Variants in KALRN observed in about 807,000 individuals in gnomAD.
KALRN encodes kalirin RhoGEF kinase, also known as kalirin.
Under a neutral mutation model 353.7 loss-of-function variants are expected in KALRN, and 70 were observed. The ratio of observed to expected loss-of-function variants is 0.20; its 90% CI spans 0.16 to 0.24. KALRN has a LOEUF of 0.24. Among genes scored for constraint, KALRN ranks in the 10% least tolerant of loss-of-function variants. The probability of loss-of-function intolerance (pLI) is 1.00; values close to 1 mark genes in which losing one functional copy is unlikely to be tolerated. For missense variants in KALRN, 2,791 were observed against 3,756.7 expected (o/e 0.74, Z 6.72); for synonymous variants, 1,391 against 1,434.8 (o/e 0.97, Z 0.69).
chr3:124,317,024 C>T (rs1266729520), intron 6 of KALRN, among the ~76,000 whole-genome samples: 2 of 152,164 alleles, frequency 1.3e-5, no homozygotes, highest in African/African-American at 2.4e-5. Context: ...TGCTCCAAGG[C>T]AGGAGGGGGC....
intron 33 of KALRN, among the ~76,000 whole-genome samples, chr3:124,556,327 A>G (rs984939068): frequency 2.6e-5 from 4 of 152,250 alleles, no homozygotes; most frequent in Admixed American, 6.5e-5. Flanking sequence ...ATGGGCTTCC[A>G]ACATACAAAC....
chr3:124,061,062 T>C (rs2041959401), intron 1 of KALRN, among the ~76,000 whole-genome samples: 1 of 152,244 alleles, frequency 6.6e-6, no homozygotes, highest in Non-Finnish European at 1.5e-5. Flanking sequence ...ACAGTGACGA[T>C]AGGGCCTTAA....
At chr3:124,626,777 A>G (rs1236116199) in intron 34 of KALRN, among the ~76,000 whole-genome samples, 1 of 152,196 alleles carries the variant, frequency 6.6e-6, no homozygotes, top group Non-Finnish European at 1.5e-5. Context: ...GCTCCCTTCT[A>G]TAATAATGGT....
chr3:124,312,705 GCTGT>G (rs2078395560), intron 6 of KALRN, among the ~76,000 whole-genome samples: 1 of 152,190 alleles, frequency 6.6e-6, no homozygotes, highest in African/African-American at 2.4e-5. Flanking sequence ...ACAAACTTTT[GCTGT>G]CTGTGTCTTT....
At chr3:124,356,397 G>A (rs1201422105) in intron 10 of KALRN, among the ~76,000 whole-genome samples, 7 of 142,752 alleles carry the variant, frequency 4.9e-5, no homozygotes, top group Non-Finnish European at 9.0e-5. Flanking sequence ...GCAATGGCGC[G>A]ATTTCGGCTC....
intron 25 of KALRN, among the ~76,000 whole-genome samples, chr3:124,468,944 A>C (rs1362341034): frequency 6.6e-6 from 1 of 152,244 alleles, no homozygotes; most frequent in Non-Finnish European, 1.5e-5. Context: ...GGGAATACCC[A>C]AAACAAGACA....
rs893676477 is a variant in KALRN at position 124,682,881 on chromosome 3, C to T, written c.7377+3364C>T. Among the ~76,000 whole-genome samples the T allele has an allele frequency of 1.2e-4, 18 of 152,216 alleles. No individual in the cohort carries two copies. The East Asian group carries it at 2.3e-3, about 20-fold the overall frequency. On this transcript the variant is annotated intron_variant, in intron 51 of 59. Coordinates refer to ENST00000682506, the MANE Select transcript of KALRN (RefSeq NM_001388419.1). The stretch of plus-strand genomic sequence containing the variant: ...CTTGTGAATGTTTTCAAGTACAACT[C>T]CTACTCCCAGCAGTACATGCCACAC...
intron 1 of KALRN, among the ~76,000 whole-genome samples, chr3:124,144,740 T>C (rs2067111021): frequency 6.6e-6 from 1 of 152,054 alleles, no homozygotes; most frequent in Non-Finnish European, 1.5e-5. Context: ...CTCTGCAGCA[T>C]TACCACAGCA....
chr3:124,682,128 A>G (rs958090921), intron 51 of KALRN, among the ~76,000 whole-genome samples: 5 of 152,202 alleles, frequency 3.3e-5, no homozygotes, highest in Non-Finnish European at 2.9e-5. Context: ...CCTTATTGCA[A>G]TGTACACTGC....
intron 53 of KALRN, 59 bp from the exon 54 acceptor site, chr3:124,696,075 A>G (rs1578998299): frequency 4.4e-6 from 7 of 1,593,262 alleles, no homozygotes; most frequent in East Asian, 2.3e-5. Context: ...ATGGGATTTT[A>G]CCCAGCAGTC....
At chr3:124,670,535 A>G (rs1205928552) in intron 47 of KALRN, among the ~76,000 whole-genome samples, 1 of 152,184 alleles carries the variant, frequency 6.6e-6, no homozygotes, top group African/African-American at 2.4e-5. Flanking sequence ...CTCAGAGCCA[A>G]TCTTTCCTTC....
chr3:124,390,993 G>A (rs1411296477), intron 11 of KALRN, among the ~76,000 whole-genome samples: 1 of 152,084 alleles, frequency 6.6e-6, no homozygotes, highest in Admixed American at 6.6e-5. Context: ...GTAGGGCATG[G>A]AAAGGCTCCT....
chr3:124,141,375 C>G (rs2066608787), intron 1 of KALRN, among the ~76,000 whole-genome samples: 1 of 152,178 alleles, frequency 6.6e-6, no homozygotes, highest in East Asian at 1.9e-4. Flanking sequence ...CCCACCAGCT[C>G]TGTCTTCTAA....
At chr3:124,143,828 G>A (rs1464572934) in intron 1 of KALRN, among the ~76,000 whole-genome samples, 2 of 152,114 alleles carry the variant, frequency 1.3e-5, no homozygotes, top group African/African-American at 2.4e-5. Flanking sequence ...AATAAGACTG[G>A]CGTCAAATTC....
chr3:124,522,507 C>T (rs961769501), intron 33 of KALRN, among the ~76,000 whole-genome samples: 3 of 152,244 alleles, frequency 2.0e-5, no homozygotes, highest in Non-Finnish European at 2.9e-5. Context: ...AAAAGCTTCT[C>T]ATGGCATGTA....
At position 124,671,742 on chromosome 3, in the gene KALRN, C is replaced by T. The variant is rs147420977; in HGVS notation, c.6786C>T (p.Ala2262=). The T allele has an allele frequency of 1.2e-5, 19 of 1,614,030 alleles. No individual in the cohort carries two copies. The African/African-American group carries it at 2.5e-4, about 22-fold the overall frequency. ...CTCAACCTGCCAGGCTTCCCCAAGC[C>T]AGCCCCAGGCCCTACTCCTCTGTTC... The part of the protein sequence containing the change: ...MRSQPARLPQ[A]SPRPYSSVPA... Residue 2262 remains alanine, a synonymous_variant, in exon 48 of 60, where the codon GCC becomes GCT. Transcript: ENST00000682506.
Position 124,664,200 on chromosome 3 carries a change from A to G in KALRN, c.6346-2249A>G, listed in dbSNP as rs144737895. Among the ~76,000 whole-genome samples the G allele has an allele frequency of 2.6e-3, 400 of 151,980 alleles. 1 individual carries two copies. The highest frequency in any genetic ancestry group is 9.2e-3 in the African/African-American group (382 of 41,436). On this transcript the variant is annotated intron_variant, in intron 45 of 59. Coordinates refer to ENST00000682506, the MANE Select transcript of KALRN (RefSeq NM_001388419.1). ...TCCCTTTTGCTCTTCAACCTTGAAG[A>G]CCCCATGTTTTCTGAACAGGAGTCT...
chr3:124,499,677 A>G (rs2064293830), intron 33 of KALRN, among the ~76,000 whole-genome samples: 1 of 152,176 alleles, frequency 6.6e-6, no homozygotes, highest in Admixed American at 6.5e-5. Context: ...AGCCCTTAGA[A>G]TCTAAGGTTT....
chr3:124,396,368 A>G (rs931571810), intron 12 of KALRN, among the ~76,000 whole-genome samples: 1 of 152,250 alleles, frequency 6.6e-6, no homozygotes, highest in Admixed American at 6.5e-5. Flanking sequence ...CCAAATATGC[A>G]CATGAGATGC....
Sources: gnomAD v4.1 joint callset for allele counts (sites outside exome capture counted in the v4.1 genomes callset) on GRCh38, gnomAD v4.1.1 for gene constraint, MANE v1.5 for transcripts, NCBI Gene and HGNC (gene_info 2026-07-23, HGNC 2026-07-21) for gene names.